MVB12B: variants seen among roughly 807,000 people sequenced by gnomAD.
MVB12B encodes the protein ESCRT-I complex subunit MVB12B.
A neutral mutation model predicts 41.6 loss-of-function variants in MVB12B; 16 were observed. The ratio of observed to expected loss-of-function variants is 0.38; its 90% CI spans 0.26 to 0.58. The LOEUF is 0.58. Ranked by LOEUF, MVB12B falls within the 20% of genes least tolerant of loss-of-function variation. The probability of loss-of-function intolerance (pLI) is 0.62; values close to 1 mark genes in which losing one functional copy is unlikely to be tolerated. For missense variants in MVB12B, 274 were observed against 380.2 expected (o/e 0.72, Z 2.32); for synonymous variants, 133 against 139.7 (o/e 0.95, Z 0.34).
intron 7 of MVB12B, among the ~76,000 whole-genome samples, chr9:126,455,885 TTC>T (rs1441909241): frequency 7.6e-6 from 1 of 131,718 alleles, no homozygotes; most frequent in Non-Finnish European, 1.6e-5. Flanking sequence ...CTTTCTTTCT[TTC>T]TTTTTTTTTT....
At chr9:126,330,304 T>TACACAC (rs142849542) in intron 1 of MVB12B, among the ~76,000 whole-genome samples, 86 of 148,282 alleles carry the variant, frequency 5.8e-4, no homozygotes, top group African/African-American at 7.2e-4. Context: ...TTTCTTTCTT[T>TACACAC]ACACACACAC....
At chr9:126,443,565 A>G (rs1221322998) in intron 7 of MVB12B, among the ~76,000 whole-genome samples, 1 of 152,254 alleles carries the variant, frequency 6.6e-6, no homozygotes, top group South Asian at 2.1e-4. Context: ...TACAAAATAT[A>G]TGAAAACATT....
At chr9:126,408,740 A>G (rs539976930) in intron 6 of MVB12B, among the ~76,000 whole-genome samples, 1 of 152,156 alleles carries the variant, frequency 6.6e-6, no homozygotes, top group South Asian at 2.1e-4. Flanking sequence ...TTATGTGGCA[A>G]AATGTGTTGT....
chr9:126,406,824 T>G (rs1262923836), intron 6 of MVB12B, among the ~76,000 whole-genome samples: 1 of 151,590 alleles, frequency 6.6e-6, no homozygotes, highest in African/African-American at 2.4e-5. Context: ...TTAGTTTCCT[T>G]TCTTCATCTT....
intron 9 of MVB12B, among the ~76,000 whole-genome samples, chr9:126,498,502 G>A (rs1322526511): frequency 6.6e-6 from 1 of 152,228 alleles, no homozygotes; most frequent in African/African-American, 2.4e-5. Context: ...GCCCTATCGT[G>A]ATTCACCCGT....
chr9:126,460,183 C>T (rs1464399496), intron 7 of MVB12B, among the ~76,000 whole-genome samples: 1 of 152,106 alleles, frequency 6.6e-6, no homozygotes, highest in Non-Finnish European at 1.5e-5. Context: ...CTCAGACCTC[C>T]TCGGCAGGGT....
rs528218626 is a variant in MVB12B at position 126,333,268 on chromosome 9, G to C, written c.81+6258G>C. Among the ~76,000 whole-genome samples the C allele has an allele frequency of 1.3e-5, 2 of 152,230 alleles. No individual in the cohort carries two copies. The highest frequency in any genetic ancestry group is 4.8e-5 in the African/African-American group (2 of 41,540). ...TGCCTGGCTAATTTTTGTATTTTTA[G>C]TAAAGACAGGATTTCACCATATGGG... is the stretch of plus-strand genomic sequence containing the variant. On this transcript the variant is annotated intron_variant, in intron 1 of 9. Coordinates refer to ENST00000361171, the MANE Select transcript of MVB12B (RefSeq NM_033446.3). This position sits in a 1 kb window ranked among gnomAD's most constrained non-coding sequence, Gnocchi z 4.7.
chr9:126,338,907 A>G (rs10760425), intron 1 of MVB12B, among the ~76,000 whole-genome samples: 59,633 of 152,128 alleles, frequency 0.39, 11,782 homozygotes, highest in African/African-American at 0.42. Context: ...AGGAAGCACT[A>G]AGCCCTGTGT....
intron 7 of MVB12B, among the ~76,000 whole-genome samples, chr9:126,456,931 C>G (rs934760747): frequency 6.6e-6 from 1 of 152,120 alleles, no homozygotes; most frequent in Non-Finnish European, 1.5e-5. Context: ...ACGTATGGGC[C>G]CCGGCTTCGT....
rs1309196328 is a variant in MVB12B at position 126,468,629 on chromosome 9, C to T, written c.758-12740C>T. 6.6e-6 allele frequency among the ~76,000 whole-genome samples: 1 copy of T among 152,238 alleles called. No individual in the cohort carries two copies. Among genetic ancestry groups the T allele is most frequent in the Non-Finnish European group, 1.5e-5 (1 of 68,044 alleles). ...TTACTGCCACTGCCCTCATCCGGGC[C>T]ACCAGCGTCCCTCGCCTGGTTCAGT... On this transcript the variant is annotated intron_variant, in intron 7 of 9. Transcript: ENST00000361171. The surrounding 1 kb of genome is among the most constrained non-coding windows in gnomAD (Gnocchi z 4.3).
At position 126,441,360 on chromosome 9, in the gene MVB12B, T is replaced by G. The variant is rs76406668; in HGVS notation, c.757+19412T>G. 6.9e-3 allele frequency among the ~76,000 whole-genome samples: 1,049 copies of G among 152,324 alleles called. 16 individuals carry two copies. The highest frequency in any genetic ancestry group is 0.024 in the African/African-American group (1,002 of 41,570). On this transcript the variant is annotated intron_variant, in intron 7 of 9. Transcript: ENST00000361171. Reference sequence around the variant, plus strand: ...AGGAAGACTTCTGTTTGGTGAACCCTGTTTATCTGTGTACTTTATAAGGGG... The same window carrying G: ...AGGAAGACTTCTGTTTGGTGAACCCGGTTTATCTGTGTACTTTATAAGGGG...
chr9:126,340,605 A>G lies in MVB12B; in HGVS notation c.179A>G (p.Asn60Ser). 1 of 1,614,204 alleles carries G rather than the reference A, an allele frequency of 6.2e-7. No individual in the cohort carries two copies. Among genetic ancestry groups the G allele is most frequent in the Non-Finnish European group, 8.5e-7 (1 of 1,180,016 alleles). Residue 60 changes from asparagine to serine, a missense_variant, in exon 2 of 10, where the codon AAC becomes AGC. Transcript: ENST00000361171. The surrounding 1 kb of genome is among the most constrained non-coding windows in gnomAD (Gnocchi z 4.0). ...GGAGTCGGGGTGGTGGCTTCTCGGA[A>G]CCGAGCCCCGACAGGCTATGACGTA... is the stretch of plus-strand genomic sequence containing the variant. ...ITGVGVVASR[N>S]RAPTGYDVVA...
intron 6 of MVB12B, among the ~76,000 whole-genome samples, chr9:126,402,523 G>A (rs1831293953): frequency 6.6e-6 from 1 of 152,100 alleles, no homozygotes; most frequent in African/African-American, 2.4e-5. Flanking sequence ...ACAAGCCTGT[G>A]GTCCTAGCTA....
At position 126,367,114 on chromosome 9, in the gene MVB12B, T is replaced by C. The variant is rs1041229925; in HGVS notation, c.205-13950T>C. ...CTCCTCTTCTGTCTCTGCTACCAGC[T>C]GGATAAGGTCCTCACAAGTCTTGAC... On this transcript the variant is annotated intron_variant, in intron 2 of 9. Coordinates refer to ENST00000361171, the MANE Select transcript of MVB12B (RefSeq NM_033446.3). This position sits in a 1 kb window ranked among gnomAD's most constrained non-coding sequence, Gnocchi z 4.3. Among the ~76,000 whole-genome samples, 3 of 152,092 alleles carry C rather than the reference T, an allele frequency of 2.0e-5. No homozygotes were observed. The highest frequency in any genetic ancestry group is 1.5e-5 in the Non-Finnish European group (1 of 68,018).
At chr9:126,393,541 A>G (rs1231541089) in intron 5 of MVB12B, among the ~76,000 whole-genome samples, 1 of 152,214 alleles carries the variant, frequency 6.6e-6, no homozygotes, top group Non-Finnish European at 1.5e-5. Flanking sequence ...AAATTCTTCC[A>G]TTGACCAGGC....
At position 126,486,962 on chromosome 9, in the gene MVB12B, G is replaced by C. The variant is rs1297106311; in HGVS notation, c.873+2930G>C. Among the ~76,000 whole-genome samples, 1 of 152,154 alleles carries C rather than the reference G, an allele frequency of 6.6e-6. No homozygotes were observed. The highest frequency in any genetic ancestry group is 6.5e-5 in the Admixed American group (1 of 15,280). On this transcript the variant is annotated intron_variant, in intron 9 of 9. Coordinates refer to ENST00000361171, the MANE Select transcript of MVB12B (RefSeq NM_033446.3). The surrounding 1 kb of genome is among the most constrained non-coding windows in gnomAD (Gnocchi z 4.7). ...TCCCAGTGTGGGGTCCAGGGCGGGT[G>C]GTGGGAACCCTGCAAACCTTATTCT...
intron 9 of MVB12B, among the ~76,000 whole-genome samples, chr9:126,502,507 G>C (rs1833979198): frequency 6.6e-6 from 1 of 152,152 alleles, no homozygotes; most frequent in African/African-American, 2.4e-5. Context: ...CCCAGACAGG[G>C]GAGCAGCAGG....
In MVB12B at chr9:126,454,605, T is replaced by C. The variant is rs116740387; in HGVS notation, c.758-26764T>C. Among the ~76,000 whole-genome samples the C allele has an allele frequency of 3.7e-3, 561 of 152,330 alleles. 2 individuals carry two copies. The highest frequency in any genetic ancestry group is 0.013 in the African/African-American group (540 of 41,580). On this transcript the variant is annotated intron_variant, in intron 7 of 9. Transcript: ENST00000361171. ...AGGATACATTTGCAGTGGCCAGGGG[T>C]ATGGACCTTGCATTTTTTAACCCCT...
chr9:126,400,725 T>C (rs540638615), intron 6 of MVB12B, among the ~76,000 whole-genome samples: 98 of 152,224 alleles, frequency 6.4e-4, no homozygotes, highest in African/African-American at 2.4e-3. Context: ...AGTGCCGAGG[T>C]CAGAGGAGGA....
Sources: allele counts gnomAD v4.1 joint callset (sites outside exome capture counted in the v4.1 genomes callset), GRCh38; gene constraint gnomAD v4.1.1; non-coding constraint Gnocchi (gnomAD v3.1); transcripts MANE v1.5; gene names NCBI Gene and HGNC (gene_info 2026-07-23, HGNC 2026-07-21).